Variants in ANKRD36B observed in about 807,000 individuals in gnomAD.
ANKRD36B encodes ankyrin repeat domain-containing protein 36B.
Under a neutral mutation model 135.7 loss-of-function variants are expected in ANKRD36B, and 37 were observed. That is an observed-to-expected ratio of 0.27 (90% CI 0.21 to 0.36). ANKRD36B has a LOEUF of 0.36. ANKRD36B is among the 10% of genes least tolerant of loss of function. The pLI, the probability that ANKRD36B is intolerant of heterozygous loss-of-function variation, is 1.00. For synonymous variants in ANKRD36B, 179 were observed against 348.1 expected (o/e 0.51, Z 5.41); for missense variants, 549 against 1,037.1 (o/e 0.53, Z 6.46).
At position 97,578,960 on chromosome 2, in the gene ANKRD36B, C is replaced by G. The variant is rs767068381; in HGVS notation, c.641G>C (p.Arg214Pro). Residue 214 changes from arginine to proline, a missense_variant, in exon 5 of 44, where the codon CGA becomes CCA. Physicochemically the swap from Arg to Pro is moderately radical, Grantham distance 103. Coordinates refer to ENST00000359901, the MANE Select transcript of ANKRD36B (RefSeq NM_001393939.1). ...TTCTGCAAGCTTTCCATACACATCT[C>G]GAGAAAACACATCAATATTGTGCTG... Reference protein sequence around the residue: ...LLQHNIDVFSRDVYGKLAEDY... With the variant: ...LLQHNIDVFSPDVYGKLAEDY... 6.2e-7 allele frequency: 1 copy of G among 1,612,962 alleles called. No homozygotes were observed. The highest frequency in any genetic ancestry group is 8.5e-7 in the Non-Finnish European group (1 of 1,179,232).
intron 5 of ANKRD36B, among the ~76,000 whole-genome samples, chr2:97,576,740 G>A (rs1260690595): frequency 4.6e-5 from 7 of 151,490 alleles, no homozygotes. Context: ...ATAGCCAACA[G>A]GTATTTGCTC....
At chr2:97,580,099 C>A (rs2082526490) in intron 4 of ANKRD36B, among the ~76,000 whole-genome samples, 1 of 152,198 alleles carries the variant, frequency 6.6e-6, no homozygotes, top group Admixed American at 6.5e-5. Flanking sequence ...AACATGAAAC[C>A]CCTTTAGCTA....
intron 5 of ANKRD36B, among the ~76,000 whole-genome samples, chr2:97,577,955 C>T (rs2082332836): frequency 6.6e-6 from 1 of 151,724 alleles, no homozygotes; most frequent in African/African-American, 2.4e-5. Flanking sequence ...AAGAAGAACA[C>T]TGTGATCTCT....
intron 12 of ANKRD36B, 126 bp from the exon 13 acceptor site, chr2:97,555,380 T>C (rs2080423753): frequency 7.1e-7 from 1 of 1,403,246 alleles, no homozygotes; most frequent in African/African-American, 1.5e-5. Flanking sequence ...GATTTTTGTG[T>C]CTGGGGACTG....
chr2:97,551,676 A>AC (rs2080083783), intron 16 of ANKRD36B, among the ~76,000 whole-genome samples, 196 bp from the exon 17 acceptor site: 1 of 151,906 alleles, frequency 6.6e-6, no homozygotes, highest in South Asian at 2.1e-4. Flanking sequence ...CGTGAAATAT[A>AC]CCCCTGCAAT....
intron 3 of ANKRD36B, among the ~76,000 whole-genome samples, chr2:97,582,184 T>C (rs1202308826): frequency 5.9e-5 from 9 of 152,272 alleles, no homozygotes; most frequent in Admixed American, 1.3e-4. Flanking sequence ...CCTATGCAAC[T>C]ATACCATGAT....
At chr2:97,536,637 A>G (rs1012959604) in intron 32 of ANKRD36B, 141 bp from the exon 33 acceptor site, 1 of 411,132 alleles carries the variant, frequency 2.4e-6, no homozygotes, top group African/African-American at 2.3e-5. Flanking sequence ...TCTTTGGGAC[A>G]GTAACATGAT....
At chr2:97,557,075 A>G (rs1164253607) in intron 11 of ANKRD36B, 29 bp downstream of exon 11, 1 of 1,545,020 alleles carries the variant, frequency 6.5e-7, no homozygotes, top group African/African-American at 1.4e-5. Flanking sequence ...GCAATAAATA[A>G]TTCAAAATAT....
chr2:97,573,345 G>A (rs2082011958), intron 6 of ANKRD36B, among the ~76,000 whole-genome samples: 1 of 151,970 alleles, frequency 6.6e-6, no homozygotes, highest in Non-Finnish European at 1.5e-5. Flanking sequence ...CCATGTCTTT[G>A]CTATTGTGAA....
In ANKRD36B at chr2:97,578,929, A is replaced by T; in HGVS notation, c.672T>A (p.Tyr224Ter). The T allele has an allele frequency of 6.2e-7, 1 of 1,613,020 alleles. No individual in the cohort carries two copies. Among genetic ancestry groups the T allele is most frequent in the Non-Finnish European group, 8.5e-7 (1 of 1,179,208 alleles). The change falls in exon 5 of 44, where the codon TAT becomes TAA. Residue 224 changes from tyrosine to a stop codon, truncating the protein, a stop_gained. Transcript: ENST00000359901. LOFTEE classifies it high-confidence loss of function. Reference sequence around the variant, plus strand: ...ACACTCTATTCTCAGCCTCACTGGCATAATCTTCTGCAAGCTTTCCATACA... The same window carrying T: ...ACACTCTATTCTCAGCCTCACTGGCTTAATCTTCTGCAAGCTTTCCATACA... ...RDVYGKLAED[Y>*]ASEAENRVIF...
chr2:97,585,244 C>A lies in ANKRD36B; in HGVS notation c.276+40G>T, dbSNP rs774574881. ...ATTCATTTTATCCTATGTACTTCAA[C>A]CAAATCCATCTCATGCTCAAAGAGT... On this transcript the variant is annotated intron_variant, in intron 2 of 43. Transcript: ENST00000359901. The A allele has an allele frequency of 7.6e-6, 12 of 1,573,636 alleles. No individual in the cohort carries two copies. In the East Asian group the frequency reaches 2.8e-4, roughly 37 times the overall value.
intron 37 of ANKRD36B, among the ~76,000 whole-genome samples, chr2:97,513,716 G>C (rs370107513): frequency 0.042 from 2,850 of 67,406 alleles, 427 homozygotes; most frequent in East Asian, 0.34. Flanking sequence ...TCAGCTGAGA[G>C]CCAGGCACCC....
At position 97,508,032 on chromosome 2, in the gene ANKRD36B, T is replaced by TA. The variant is rs1225935531; in HGVS notation, c.3906dup (p.Ile1303TyrfsTer5). ...CCTTCCATCTCCTTAGTACATCTTA[T>TA]AGTAGCTGTAAGTTGATCCTGTATT... On this transcript the variant is annotated frameshift_variant, in exon 41 of 44. Coordinates refer to ENST00000359901, the MANE Select transcript of ANKRD36B (RefSeq NM_001393939.1). LOFTEE classifies it high-confidence loss of function. 4 of 24,708 alleles carry TA rather than the reference T, an allele frequency of 1.6e-4. No homozygotes were observed. The highest frequency in any genetic ancestry group is 1.5e-3 in the African/African-American group (4 of 2,754). The allele number at this position is 24,708 out of a possible 1,614,324, so 1.5% of individuals were successfully genotyped here. A position where few individuals can be genotyped will look rare whatever the true frequency, so the allele number is the denominator to read the frequency against.
chr2:97,561,909 T>G (rs569627316), intron 6 of ANKRD36B, among the ~76,000 whole-genome samples: 1 of 152,040 alleles, frequency 6.6e-6, no homozygotes, highest in African/African-American at 2.4e-5. Flanking sequence ...CTTATCCCAA[T>G]TCTATCACTC....
rs1191989069 is a variant in ANKRD36B at position 97,526,280 on chromosome 2, A to C, written c.2266-2813T>G. Among the ~76,000 whole-genome samples, 2 of 97,548 alleles carry C rather than the reference A, an allele frequency of 2.1e-5. 1 individual carries two copies. The highest frequency in any genetic ancestry group is 5.5e-5 in the Non-Finnish European group (2 of 36,584). The allele number at this position is 97,548 out of a possible 152,430, so 64.0% of individuals were successfully genotyped here. A position where few individuals can be genotyped will look rare whatever the true frequency, so the allele number is the denominator to read the frequency against. On this transcript the variant is annotated intron_variant, in intron 35 of 43. Transcript: ENST00000359901. ...CTGTTCTGCAGCCACCGCTGCTGAT[A>C]CCCAGGCAGACAGGGTCTGGAGTGG...
At chr2:97,562,650 T>A (rs1189980865) in intron 6 of ANKRD36B, among the ~76,000 whole-genome samples, 1 of 152,070 alleles carries the variant, frequency 6.6e-6, no homozygotes, top group Non-Finnish European at 1.5e-5. Flanking sequence ...TTTTCGTTCA[T>A]AAATCTAATA....
chr2:97,567,786 C>T (rs2081556647), intron 6 of ANKRD36B, among the ~76,000 whole-genome samples: 1 of 152,152 alleles, frequency 6.6e-6, no homozygotes. Flanking sequence ...TATATGATAT[C>T]TGCTCACTAG....
rs539611618 is a variant in ANKRD36B at position 97,534,017 on chromosome 2, T to C, written c.2192-1633A>G. 1.8e-3 allele frequency among the ~76,000 whole-genome samples: 161 copies of C among 89,652 alleles called. 40 individuals are homozygous for C. The highest frequency in any genetic ancestry group is 5.4e-3 in the Middle Eastern group (1 of 186). 58.8% of individuals were successfully genotyped at this position (89,652 alleles called of 152,430 possible). On this transcript the variant is annotated intron_variant, in intron 34 of 43. Transcript: ENST00000359901. ...GTTGCAATGAGCCGAGATTGTGCCA[T>C]TGCACTCCAGGCTGGGAGACAGAGC...
chr2:97,516,163 G>C lies in ANKRD36B; in HGVS notation c.2408-218C>G, dbSNP rs375038333. On this transcript the variant is annotated intron_variant, in intron 36 of 43. Transcript: ENST00000359901. ...TATAGTGAAGAACCAAGATAAAAAG[G>C]TGACAGTTATAAACTCAGATAGGTC... Among the ~76,000 whole-genome samples, 2 of 43,764 alleles carry C rather than the reference G, an allele frequency of 4.6e-5. 1 individual carries two copies. The highest frequency in any genetic ancestry group is 1.4e-4 in the African/African-American group (2 of 14,658). The allele number at this position is 43,764 out of a possible 152,430, so 28.7% of individuals were successfully genotyped here. A position where few individuals can be genotyped will look rare whatever the true frequency, so the allele number is the denominator to read the frequency against.
Sources: allele counts gnomAD v4.1 joint callset (sites outside exome capture counted in the v4.1 genomes callset), GRCh38; gene constraint gnomAD v4.1.1; transcripts MANE v1.5; gene names NCBI Gene and HGNC (gene_info 2026-07-23, HGNC 2026-07-21).